Variants in STK3 observed in about 807,000 individuals in gnomAD.
The protein encoded by STK3 is serine/threonine-protein kinase 3.
STK3 carries 41 observed loss-of-function variants against 58.0 expected under a neutral mutation model. The ratio of observed to expected loss-of-function variants is 0.71; its 90% confidence interval spans 0.55 to 0.92. The LOEUF (loss-of-function observed/expected upper bound fraction) is 0.92. Among genes scored for constraint, STK3 ranks in the 40% least tolerant of loss-of-function variants. The pLI is 0.00. For missense variants in STK3, 479 were observed against 602.7 expected (o/e 0.79, Z 2.15); for synonymous variants, 170 against 191.0 (o/e 0.89, Z 0.91).
intron 3 of STK3, among the ~76,000 whole-genome samples, chr8:98,425,777 T>G (rs1334675869): frequency 6.6e-6 from 1 of 152,200 alleles, no homozygotes; most frequent in Non-Finnish European, 1.5e-5. Flanking sequence ...GGGACGGCAT[T>G]GCCAGGATTG....
chr8:98,623,769 G>C (rs1189029357), intron 6 of STK3, among the ~76,000 whole-genome samples: 1 of 152,152 alleles, frequency 6.6e-6, no homozygotes, highest in Non-Finnish European at 1.5e-5. Flanking sequence ...GGGAGACAGA[G>C]CAAGACCCTG....
intron 3 of STK3, among the ~76,000 whole-genome samples, chr8:98,407,757 T>TGTGTGTGTGCGC (rs869119517): frequency 1.5e-5 from 2 of 131,436 alleles, no homozygotes; most frequent in African/African-American, 6.1e-5. Context: ...TGTGTGTGTG[T>TGTGTGTGTGCGC]GCGCGCGCGC....
chr8:98,819,578 T>C lies in STK3; in HGVS notation c.26+5937A>G, dbSNP rs141931312. Among the ~76,000 whole-genome samples, 1,317 of 152,288 alleles carry C rather than the reference T, an allele frequency of 8.6e-3. 11 individuals are homozygous for C. The highest frequency in any genetic ancestry group is 0.03 in the African/African-American group (1,240 of 41,544). On this transcript the variant is annotated intron_variant, in intron 1 of 10. Transcript: ENST00000419617. ...AGGGACCAAGTTGTTAATTCAGAGA[T>C]GCTCCTGTTTGGTTGGTTCTTTTCC...
intron 10 of STK3, among the ~76,000 whole-genome samples, chr8:98,502,908 C>T (rs763671618): frequency 1.9e-4 from 29 of 152,178 alleles, no homozygotes; most frequent in Non-Finnish European, 3.5e-4. Context: ...CAGGATGATG[C>T]TGGCCTCATA....
Position 98,701,437 on chromosome 8 carries a change from G to T in STK3, c.684+5030C>A, listed in dbSNP as rs141765563. On this transcript the variant is annotated intron_variant, in intron 6 of 10. Transcript: ENST00000419617. ...GTTCAAGATCAGTCTGGCCAACATG[G>T]TGAAACCCCGTCACTACTAAAAATA... Among the ~76,000 whole-genome samples, 561 of 152,074 alleles carry T rather than the reference G, an allele frequency of 3.7e-3. 3 individuals are homozygous for T. The highest frequency in any genetic ancestry group is 0.013 in the African/African-American group (524 of 41,496).
chr8:98,473,223 G>A (rs1821055599), intron 10 of STK3, among the ~76,000 whole-genome samples: 1 of 152,152 alleles, frequency 6.6e-6, no homozygotes, highest in Non-Finnish European at 1.5e-5. Flanking sequence ...AAACATTCCT[G>A]CTGCACCCAT....
intron 6 of STK3, among the ~76,000 whole-genome samples, chr8:98,613,743 A>T (rs1000513683): frequency 2.0e-5 from 3 of 152,148 alleles, no homozygotes; most frequent in Non-Finnish European, 2.9e-5. Context: ...GCCAATTAAA[A>T]GGCAAAAACT....
At chr8:98,781,808 T>A (rs964863832) in intron 1 of STK3, among the ~76,000 whole-genome samples, 3 of 151,270 alleles carry the variant, frequency 2.0e-5, no homozygotes, top group Non-Finnish European at 4.4e-5. Flanking sequence ...AAAAAAAAAA[T>A]TATTAAACCT....
chr8:98,633,425 G>A, intron 6 of STK3: 1 of 493,644 alleles, frequency 2.0e-6, no homozygotes, highest in Non-Finnish European at 3.7e-6. Context: ...GTTTACTTTA[G>A]AGAGGAGATT....
rs570902790 is a variant in STK3, at chr8:98,915,807, C to G, written c.-79+26571G>C. 4.9e-4 allele frequency among the ~76,000 whole-genome samples: 75 copies of G among 152,156 alleles called. 2 individuals carry two copies. The South Asian group carries it at 0.011, about 23-fold the overall frequency. Reference sequence around the variant, plus strand: ...CCCTCCACACACATCAAGTTCTTATCCAAAAGAAGTTTCTCCCTTCCTTTT... The same window carrying G: ...CCCTCCACACACATCAAGTTCTTATGCAAAAGAAGTTTCTCCCTTCCTTTT... On this transcript the variant is annotated intron_variant, in intron 1 of 1. Coordinates refer to the STK3 transcript ENST00000519420.
chr8:98,477,633 G>A (rs1432031057), intron 10 of STK3, among the ~76,000 whole-genome samples: 1 of 145,840 alleles, frequency 6.9e-6, no homozygotes, highest in Non-Finnish European at 1.5e-5. Context: ...AATGCTTGAG[G>A]GGCTTGGGAA....
intron 4 of STK3, among the ~76,000 whole-genome samples, chr8:98,709,254 A>G (rs1826206505): frequency 6.6e-6 from 1 of 152,166 alleles, no homozygotes; most frequent in African/African-American, 2.4e-5. Flanking sequence ...AACGACTGAG[A>G]AGCTACTTTA....
chr8:98,736,058 A>G (rs1828561700), intron 4 of STK3, among the ~76,000 whole-genome samples: 1 of 152,182 alleles, frequency 6.6e-6, no homozygotes, highest in African/African-American at 2.4e-5. Context: ...AAAGAACATG[A>G]AACAGCCAAT....
chr8:98,806,554 C>T (rs1416968413), intron 1 of STK3, among the ~76,000 whole-genome samples: 1 of 152,106 alleles, frequency 6.6e-6, no homozygotes, highest in African/African-American at 2.4e-5. Context: ...GTCACTGGAG[C>T]TCAAGTCATT....
At chr8:98,674,629 A>G (rs955601498) in intron 6 of STK3, among the ~76,000 whole-genome samples, 4 of 152,156 alleles carry the variant, frequency 2.6e-5, no homozygotes, top group Admixed American at 2.0e-4. Context: ...ACAGTTCCCA[A>G]ATAATTATAG....
At chr8:98,670,274 C>A (rs1040562171) in intron 6 of STK3, among the ~76,000 whole-genome samples, 2 of 151,918 alleles carry the variant, frequency 1.3e-5, no homozygotes, top group Admixed American at 6.6e-5. Flanking sequence ...GAGGCTGAGG[C>A]GAGCAGGTGC....
intron 6 of STK3, among the ~76,000 whole-genome samples, chr8:98,618,014 G>A (rs1214871435): frequency 2.4e-3 from 360 of 150,498 alleles, no homozygotes; most frequent in African/African-American, 8.4e-3. Context: ...CAACCAAAAA[G>A]AAGAATTTTA....
At chr8:98,749,812 T>C (rs943245079) in intron 3 of STK3, among the ~76,000 whole-genome samples, 4 of 152,120 alleles carry the variant, frequency 2.6e-5, no homozygotes, top group African/African-American at 9.7e-5. Context: ...TTATTTTAAA[T>C]TTTCTTTCAT....
chr8:98,905,250 G>T, intron 1 of STK3: 1 of 839,570 alleles, frequency 1.2e-6, no homozygotes, highest in South Asian at 1.3e-5. Context: ...GCATTATCTT[G>T]CCTTGAAACT....
Sources: allele counts gnomAD v4.1 joint callset (sites outside exome capture counted in the v4.1 genomes callset), GRCh38; gene constraint gnomAD v4.1.1; transcripts MANE v1.5; gene names NCBI Gene and HGNC (gene_info 2026-07-23, HGNC 2026-07-21).